ANKFY1: variants seen among roughly 807,000 people sequenced by gnomAD.
ANKFY1 encodes ankyrin repeat and FYVE domain containing 1.
In ANKFY1, 47 loss-of-function variants were observed where a neutral mutation model predicts 128.3. The observed-to-expected ratio is 0.37, with a 90% CI of 0.29 to 0.47. The LOEUF is 0.47. Among genes scored for constraint, ANKFY1 ranks in the 20% least tolerant of loss-of-function variants. The pLI, the probability that ANKFY1 is intolerant of heterozygous loss-of-function variation, is 1.00. For synonymous variants in ANKFY1, 553 were observed against 601.6 expected, an observed-to-expected ratio of 0.92 and a Z score of 1.18; for missense variants, 1,222 against 1,510.6, an observed-to-expected ratio of 0.81 and a Z score of 3.17.
At chr17:4,232,802 T>A (rs1350215017) in intron 3 of ANKFY1, among the ~76,000 whole-genome samples, 3 of 152,246 alleles carry the variant, frequency 2.0e-5, no homozygotes, top group African/African-American at 4.8e-5. Context: ...CAAAATTTTT[T>A]AATTCAATGT....
At chr17:4,238,201 T>C (rs1431567881) in intron 2 of ANKFY1, among the ~76,000 whole-genome samples, 1 of 148,136 alleles carries the variant, frequency 6.8e-6, no homozygotes, top group Non-Finnish European at 1.5e-5. Context: ...TCCACATTTC[T>C]CAACTTAAAA....
At chr17:4,236,440 T>A (rs1241895095) in intron 2 of ANKFY1, among the ~76,000 whole-genome samples, 1 of 152,254 alleles carries the variant, frequency 6.6e-6, no homozygotes, top group African/African-American at 2.4e-5. Context: ...ATATTGACCA[T>A]TTTTTACTCA....
intron 2 of ANKFY1, among the ~76,000 whole-genome samples, chr17:4,239,339 T>C (rs566692125): frequency 6.6e-6 from 1 of 152,288 alleles, no homozygotes; most frequent in African/African-American, 2.4e-5. Flanking sequence ...AACAAAGTTT[T>C]CACTTGTTCA....
rs976392397 is a variant in ANKFY1 at position 4,175,698 on chromosome 17, G to T, written c.2775+1428C>A. Among the ~76,000 whole-genome samples, 267 of 152,212 alleles carry T rather than the reference G, an allele frequency of 1.8e-3. 3 individuals are homozygous for T. The highest frequency in any genetic ancestry group is 3.2e-4 in the Non-Finnish European group (22 of 68,002). ...CACTGATCGATAAGACATATGAGTGGATATGGGACTCTCCATACGGGACGT... is the reference window on the plus strand; with the variant it reads ...CACTGATCGATAAGACATATGAGTGTATATGGGACTCTCCATACGGGACGT... On this transcript the variant is annotated intron_variant, in intron 19 of 24. Transcript: ENST00000341657.
In ANKFY1 at chr17:4,206,398, G is replaced by C; in HGVS notation, c.821C>G (p.Thr274Arg). ...LSRRLESIAT[T>R]LVSHKADVDM... ...CACATCAGCTTTGTGACTAACCAGC[G>C]TGGTGGCAATACTCTCCAGTCGTCG... Residue 274 changes from threonine to arginine, a missense_variant, in exon 7 of 25, where the codon ACG becomes AGG. Coordinates refer to ENST00000341657, the MANE Select transcript of ANKFY1 (RefSeq NM_001330063.2). 6.2e-7 allele frequency: 1 copy of C among 1,614,122 alleles called. No homozygotes were observed.
chr17:4,184,996 C>T lies in ANKFY1; in HGVS notation c.1521G>A (p.Thr507=), dbSNP rs2020118. 1,446,839 of 1,613,712 alleles carry T rather than the reference C, an allele frequency of 0.9. 655,954 individuals are homozygous for T. The highest frequency in any genetic ancestry group is 0.95 in the East Asian group (42,704 of 44,872). Residue 507 remains threonine, a synonymous_variant, in exon 12 of 25, where the codon ACG becomes ACA. Transcript: ENST00000341657. ...TGGCGCCTTGCTGCAGGAGCTCTGC[C>T]GTGAGGTTGGCCAGGCCATGCCGAC... The part of the protein sequence containing the change: ...TACRHGLANL[T]AELLQQGANP...
chr17:4,245,118 C>T (rs947774308), intron 1 of ANKFY1, among the ~76,000 whole-genome samples: 3 of 152,170 alleles, frequency 2.0e-5, no homozygotes, highest in Admixed American at 1.3e-4. Flanking sequence ...ACTCCAGCAA[C>T]CACAATACCA....
At chr17:4,247,739 T>C (rs919261896) in intron 1 of ANKFY1, among the ~76,000 whole-genome samples, 10 of 152,286 alleles carry the variant, frequency 6.6e-5, no homozygotes, top group East Asian at 3.9e-4. Flanking sequence ...GAATTTACAG[T>C]GTGCAGGTTC....
intron 17 of ANKFY1, 116 bp from the exon 18 acceptor site, chr17:4,179,173 C>A: frequency 8.8e-7 from 1 of 1,138,716 alleles, no homozygotes; most frequent in Non-Finnish European, 1.3e-6. Context: ...AATACTACCA[C>A]CCTGTGTTTG....
chr17:4,248,935 C>G (rs1451616480), intron 1 of ANKFY1, among the ~76,000 whole-genome samples: 2 of 152,206 alleles, frequency 1.3e-5, no homozygotes, highest in African/African-American at 4.8e-5. Context: ...TGAGTGCAGT[C>G]TATGATCAGA....
At chr17:4,244,121 G>A (rs1967404601) in intron 1 of ANKFY1, among the ~76,000 whole-genome samples, 1 of 152,132 alleles carries the variant, frequency 6.6e-6, no homozygotes, top group Non-Finnish European at 1.5e-5. Context: ...AGTAGAGACA[G>A]GGTTTTGCCA....
rs1415583085 is a variant in ANKFY1 at position 4,209,869 on chromosome 17, G to C, written c.537C>G (p.Ala179=). 6.2e-7 allele frequency: 1 copy of C among 1,614,010 alleles called. No individual in the cohort carries two copies. Among genetic ancestry groups the C allele is most frequent in the South Asian group, 1.1e-5 (1 of 91,062 alleles). The change falls in exon 5 of 25, where the codon GCC becomes GCG. Residue 179 remains alanine (A), a synonymous_variant. Transcript: ENST00000341657. ...RFYQTAEELN[A]STLMNYCAEI... is the part of the protein sequence containing the mutation. ...CTGCACAGTAGTTCATCAGTGTGCT[G>C]GCATTCAGCTCCTCTGCCGTCTGGT...
chr17:4,263,706 G>T, intron 1 of ANKFY1: 2 of 1,498,780 alleles, frequency 1.3e-6, no homozygotes, highest in Non-Finnish European at 1.8e-6. Flanking sequence ...CTCCGCAGCC[G>T]GCCGCAGTCC....
chr17:4,255,936 G>A (rs911916797), intron 1 of ANKFY1, among the ~76,000 whole-genome samples: 1 of 151,910 alleles, frequency 6.6e-6, no homozygotes, highest in African/African-American at 2.4e-5. Flanking sequence ...TTCTGCCTCA[G>A]CCTCCCGAAT....
At chr17:4,235,030 T>A (rs1191946018) in intron 3 of ANKFY1, among the ~76,000 whole-genome samples, 2 of 151,986 alleles carry the variant, frequency 1.3e-5, no homozygotes, top group Non-Finnish European at 2.9e-5. Context: ...CTATTCTGAG[T>A]TCAGTTCTGA....
At chr17:4,258,918 A>G (rs1598161800) in intron 1 of ANKFY1, among the ~76,000 whole-genome samples, 6 of 152,184 alleles carry the variant, frequency 3.9e-5, no homozygotes, top group Admixed American at 3.9e-4. Context: ...TTTTCTGTTC[A>G]ATATACTATT....
chr17:4,219,876 C>T (rs908496284), intron 3 of ANKFY1, among the ~76,000 whole-genome samples: 1 of 152,036 alleles, frequency 6.6e-6, no homozygotes, highest in African/African-American at 2.4e-5. Flanking sequence ...GGCTGGAGTG[C>T]AGTGGCGCGA....
chr17:4,174,085 GTC>G lies in ANKFY1; in HGVS notation c.2776-31_2776-30del, dbSNP rs527632122. 848 of 1,609,496 alleles carry G rather than the reference GTC, an allele frequency of 5.3e-4. 2 individuals are homozygous for G. Among genetic ancestry groups the G allele is most frequent in the Non-Finnish European group, 5.6e-4 (654 of 1,177,246 alleles). ...TTGAAGTTCATTACATGAACAGTCA[GTC>G]TCTCTGCCACAATCAAGATCCCCCT... On this transcript the variant is annotated intron_variant, in intron 19 of 24. Transcript: ENST00000341657.
At chr17:4,187,341 G>C in intron 11 of ANKFY1, 3 of 398,582 alleles carry the variant, frequency 7.5e-6, no homozygotes, top group Non-Finnish European at 1.3e-5. Flanking sequence ...ACAGGTCATT[G>C]CTTGTCAAGA....
Sources: allele counts gnomAD v4.1 joint callset (sites outside exome capture counted in the v4.1 genomes callset), GRCh38; gene constraint gnomAD v4.1.1; transcripts MANE v1.5; gene names NCBI Gene and HGNC (gene_info 2026-07-23, HGNC 2026-07-21).